The following EML4 variants were observed in gnomAD, a reference collection of about 807,000 sequenced individuals.
EML4 encodes echinoderm microtubule-associated protein-like 4.
Under a neutral mutation model 129.0 loss-of-function variants are expected in EML4, and 72 were observed. That is an observed-to-expected ratio of 0.56 (90% CI 0.46 to 0.68). The LOEUF (loss-of-function observed/expected upper bound fraction) is 0.68, where lower values mean the gene tolerates loss of function less well. Ranked by LOEUF, EML4 falls within the 30% of genes least tolerant of loss-of-function variation. EML4 has a pLI of 0.00. For synonymous variants in EML4, 532 were observed against 405.0 expected, an observed-to-expected ratio of 1.31 and a Z score of -3.77; for missense variants, 1,363 against 1,190.6, an observed-to-expected ratio of 1.14 and a Z score of -2.13.
intron 6 of EML4, among the ~76,000 whole-genome samples, chr2:42,265,149 G>A (rs527464898): frequency 8.5e-5 from 13 of 152,152 alleles, no homozygotes; most frequent in Admixed American, 7.2e-4. Context: ...GGAATGCAGT[G>A]GTGCAATCTC....
intron 1 of EML4, among the ~76,000 whole-genome samples, chr2:42,220,337 A>G (rs1217292365): frequency 4.0e-5 from 6 of 150,922 alleles, no homozygotes; most frequent in Admixed American, 2.7e-4. Context: ...TACCCACTTC[A>G]TCTGTGTCAC....
chr2:42,176,428 C>T (rs529830162), intron 1 of EML4, among the ~76,000 whole-genome samples: 2 of 152,334 alleles, frequency 1.3e-5, no homozygotes, highest in Admixed American at 1.3e-4. Context: ...TGCTTCATTG[C>T]TTTAATGACT....
At chr2:42,270,806 G>C (rs1035731320) in intron 6 of EML4, among the ~76,000 whole-genome samples, 1 of 152,214 alleles carries the variant, frequency 6.6e-6, no homozygotes, top group Non-Finnish European at 1.5e-5. Context: ...CCCGAATTTA[G>C]GAAGAAGTTT....
intron 1 of EML4, among the ~76,000 whole-genome samples, chr2:42,200,940 G>A (rs1160982626): frequency 6.6e-6 from 1 of 152,114 alleles, no homozygotes; most frequent in Non-Finnish European, 1.5e-5. Flanking sequence ...GTTCTCCATG[G>A]GCTGCCTGCT....
chr2:42,235,558 ATCT>A (rs1257262175), intron 1 of EML4, among the ~76,000 whole-genome samples: 1 of 152,164 alleles, frequency 6.6e-6, no homozygotes, highest in African/African-American at 2.4e-5. Flanking sequence ...ATCTAACCTA[ATCT>A]TCTGCCATTA....
intron 1 of EML4, among the ~76,000 whole-genome samples, chr2:42,200,192 G>A (rs949020751): frequency 1.1e-4 from 17 of 151,776 alleles, no homozygotes; most frequent in African/African-American, 3.9e-4. Flanking sequence ...GGACATGGTG[G>A]TGGGCACCTG....
intron 11 of EML4, among the ~76,000 whole-genome samples, chr2:42,294,557 A>G (rs13010252): frequency 0.25 from 37,918 of 151,880 alleles, 5,634 homozygotes; most frequent in East Asian, 0.56. Flanking sequence ...TTAGCTGGGC[A>G]TGGTGGTGGG....
intron 1 of EML4, among the ~76,000 whole-genome samples, chr2:42,178,689 G>C (rs916071163): frequency 6.6e-6 from 1 of 152,116 alleles, no homozygotes; most frequent in African/African-American, 2.4e-5. Context: ...TTATTTTTAA[G>C]CTGATCTGAT....
chr2:42,261,259 A>G lies in EML4; in HGVS notation c.477A>G (p.Gln159=), dbSNP rs1665716315. The change falls in exon 4 of 23, where the codon CAA becomes CAG. Residue 159 remains glutamine (Q), a synonymous_variant. Coordinates refer to ENST00000318522, the MANE Select transcript of EML4 (RefSeq NM_019063.5). ...PSSQPLQIHR[Q]TPESKNATPT... ...CACAACCTCTCCAAATACACAGACA[A>G]ACTCCAGAAAGCAAGAATGCTACTC... is the stretch of plus-strand genomic sequence containing the variant. 2 of 1,613,830 alleles carry G rather than the reference A, an allele frequency of 1.2e-6. No individual in the cohort carries two copies. The highest frequency in any genetic ancestry group is 2.7e-5 in the African/African-American group (2 of 75,012).
Position 42,295,530 on chromosome 2 carries a change from A to T in EML4, c.1489+14A>T. On this transcript the variant is annotated intron_variant, in intron 13 of 22. Coordinates refer to ENST00000318522, the MANE Select transcript of EML4 (RefSeq NM_019063.5). ...AAGGACCTAAAGGTACAGTATTCTT[A>T]TATTAAACTCATTTCTGGTAATTCT... 1.2e-6 allele frequency: 2 copies of T among 1,604,772 alleles called. No individual in the cohort carries two copies. Among genetic ancestry groups the T allele is most frequent in the Non-Finnish European group, 1.7e-6 (2 of 1,177,090 alleles).
In EML4 at chr2:42,323,610, A is replaced by T. The variant is rs1233164746; in HGVS notation, c.2155-1857A>T. 6.6e-5 allele frequency among the ~76,000 whole-genome samples: 10 copies of T among 152,304 alleles called. No homozygotes were observed. In the East Asian group the frequency reaches 1.9e-3, roughly 29 times the overall value. On this transcript the variant is annotated intron_variant, in intron 19 of 22. Coordinates refer to ENST00000318522, the MANE Select transcript of EML4 (RefSeq NM_019063.5). ...GTTCTAATGTAAATCATTAAAAACT[A>T]TCCCTAAGGTACACTGAATTTGTTA...
At chr2:42,245,094 CTTTTT>C (rs56808218) in intron 1 of EML4, among the ~76,000 whole-genome samples, 5 of 66,562 alleles carry the variant, frequency 7.5e-5, no homozygotes, top group South Asian at 9.0e-4. Context: ...AATTTTCTTT[CTTTTT>C]TTTTTTTTTT....
chr2:42,192,698 T>G (rs749334684), intron 1 of EML4, among the ~76,000 whole-genome samples: 1 of 152,098 alleles, frequency 6.6e-6, no homozygotes, highest in Non-Finnish European at 1.5e-5. Context: ...CCCCAGACAT[T>G]AAAGCATGAA....
chr2:42,286,502 T>G, intron 10 of EML4, 123 bp downstream of exon 10: 2 of 660,050 alleles, frequency 3.0e-6, no homozygotes, highest in Non-Finnish European at 5.5e-6. Context: ...AGATGCTAGC[T>G]ATTGCTAACA....
rs770181919 is a variant in EML4 at position 42,328,943 on chromosome 2, A to G, written c.2399A>G (p.Asn800Ser). ...TDINALVRSH[N>S]RKVIAVADDF... ...ATCAATGCACTGGTGCGATCCCACAATAGAAAGGTGATAGCTGTTGCCGAT... is the reference window on the plus strand; with the variant it reads ...ATCAATGCACTGGTGCGATCCCACAGTAGAAAGGTGATAGCTGTTGCCGAT... The change falls in exon 22 of 23, where the codon AAT becomes AGT. Residue 800 changes from asparagine to serine, a missense_variant. By Grantham distance (46) the Asn-to-Ser change is conservative. Transcript: ENST00000318522. The G allele has an allele frequency of 3.7e-6, 6 of 1,613,584 alleles. No homozygotes were observed. The highest frequency in any genetic ancestry group is 5.1e-6 in the Non-Finnish European group (6 of 1,179,776).
intron 17 of EML4, among the ~76,000 whole-genome samples, chr2:42,311,435 C>T (rs1668944110): frequency 6.6e-6 from 1 of 152,102 alleles, no homozygotes. Flanking sequence ...TGCTTTTGGT[C>T]CCAGCTACTT....
intron 1 of EML4, among the ~76,000 whole-genome samples, chr2:42,171,151 C>A (rs1344364204): frequency 3.3e-5 from 5 of 152,156 alleles, no homozygotes; most frequent in Admixed American, 3.3e-4. Context: ...ATCCATTTTT[C>A]CCTGGTTCTT....
At chr2:42,175,278 T>C (rs1670536114) in intron 1 of EML4, among the ~76,000 whole-genome samples, 1 of 151,778 alleles carries the variant, frequency 6.6e-6, no homozygotes, top group African/African-American at 2.4e-5. Context: ...CACACCTGGC[T>C]AATTTTTTGT....
chr2:42,251,952 T>G (rs1675797552), intron 2 of EML4, among the ~76,000 whole-genome samples: 1 of 152,214 alleles, frequency 6.6e-6, no homozygotes, highest in South Asian at 2.1e-4. Context: ...ATCCCAAGGC[T>G]AGCTGAGAAA....
Sources: allele counts gnomAD v4.1 joint callset (sites outside exome capture counted in the v4.1 genomes callset), GRCh38; gene constraint gnomAD v4.1.1; transcripts MANE v1.5; gene names NCBI Gene and HGNC (gene_info 2026-07-23, HGNC 2026-07-21).